The following TCF7L1 variants were observed in gnomAD, a reference collection of about 807,000 sequenced individuals.
TCF7L1 encodes the protein transcription factor 7 like 1.
In TCF7L1, 18 loss-of-function variants were observed where a neutral mutation model predicts 63.7. The ratio of observed to expected loss-of-function variants is 0.28; its 90% CI spans 0.20 to 0.42. The LOEUF is 0.42. TCF7L1 is among the 10% of genes least tolerant of loss of function. TCF7L1 has a pLI of 1.00. For missense variants in TCF7L1, 654 were observed against 779.3 expected, an observed-to-expected ratio of 0.84 and a Z score of 1.91; for synonymous variants, 355 against 340.9, an observed-to-expected ratio of 1.04 and a Z score of -0.46.
At chr2:85,283,458 C>G (rs376906366) in intron 3 of TCF7L1, 37 bp from the exon 4 acceptor site, 42 of 1,612,632 alleles carry the variant, frequency 2.6e-5, no homozygotes, top group African/African-American at 4.0e-5. Flanking sequence ...GAGGCCTCAT[C>G]TCACCAACAG....
chr2:85,207,741 C>G (rs1231262155), intron 3 of TCF7L1, among the ~76,000 whole-genome samples: 1 of 151,906 alleles, frequency 6.6e-6, no homozygotes, highest in African/African-American at 2.4e-5. Context: ...TCAGTAGAAA[C>G]CGTACTTCAG....
chr2:85,250,901 C>A (rs1161349819), intron 3 of TCF7L1, among the ~76,000 whole-genome samples: 1 of 152,144 alleles, frequency 6.6e-6, no homozygotes, highest in African/African-American at 2.4e-5. Flanking sequence ...CCTTTCAGAG[C>A]CACTAAAGAA....
intron 3 of TCF7L1, among the ~76,000 whole-genome samples, chr2:85,173,857 C>G (rs1159120878): frequency 2.0e-5 from 3 of 152,086 alleles, no homozygotes; most frequent in Non-Finnish European, 4.4e-5. Context: ...CTGCCTCGGC[C>G]TCCTGAGTAG....
chr2:85,277,895 A>G (rs527442536), intron 3 of TCF7L1, among the ~76,000 whole-genome samples: 25 of 152,216 alleles, frequency 1.6e-4, no homozygotes, highest in Admixed American at 1.6e-3. Context: ...AGTCCTGTCC[A>G]CACTAAGCAA....
At chr2:85,175,507 T>C (rs1449746217) in intron 3 of TCF7L1, among the ~76,000 whole-genome samples, 4 of 152,074 alleles carry the variant, frequency 2.6e-5, no homozygotes, top group Non-Finnish European at 5.9e-5. Flanking sequence ...GGCTTGAGCA[T>C]GGGTAGCCAG....
At chr2:85,286,428 A>G (rs1681555404) in intron 4 of TCF7L1, among the ~76,000 whole-genome samples, 1 of 152,006 alleles carries the variant, frequency 6.6e-6, no homozygotes, top group East Asian at 1.9e-4. Flanking sequence ...TTTAATCTCA[A>G]CACTTTGGGA....
intron 3 of TCF7L1, among the ~76,000 whole-genome samples, chr2:85,237,684 T>C (rs974319858): frequency 6.7e-6 from 1 of 148,174 alleles, no homozygotes. Flanking sequence ...AGAGAGCATC[T>C]CTTCATTCTG....
At chr2:85,228,671 A>C (rs1041897547) in intron 3 of TCF7L1, among the ~76,000 whole-genome samples, 12 of 152,186 alleles carry the variant, frequency 7.9e-5, no homozygotes, top group South Asian at 4.2e-4. Context: ...GAGATGGGCT[A>C]GGGAGGTAAC....
intron 3 of TCF7L1, among the ~76,000 whole-genome samples, chr2:85,195,111 A>G (rs1038350636): frequency 2.0e-5 from 3 of 152,228 alleles, no homozygotes; most frequent in African/African-American, 4.8e-5. Context: ...GGGTTCACCA[A>G]CTACCTCCAC....
intron 3 of TCF7L1, among the ~76,000 whole-genome samples, chr2:85,138,244 C>A (rs7584403): frequency 1.3e-5 from 2 of 151,906 alleles, no homozygotes; most frequent in Non-Finnish European, 2.9e-5. Flanking sequence ...GGTCCTCAAA[C>A]GCGTGCTCAT....
Position 85,153,340 on chromosome 2 carries a change from A to ATTTTTTTTTTTTTTTTTTTTTTTTT in TCF7L1, c.441+18909_441+18910insTTTTTTTTTTTTTTTTTTTTTTTTT, listed in dbSNP as rs66697146. Among the ~76,000 whole-genome samples, 92 of 102,248 alleles carry ATTTTTTTTTTTTTTTTTTTTTTTTT rather than the reference A, an allele frequency of 9.0e-4. 12 individuals are homozygous for ATTTTTTTTTTTTTTTTTTTTTTTTT. Among genetic ancestry groups the ATTTTTTTTTTTTTTTTTTTTTTTTT allele is most frequent in the African/African-American group, 3.6e-3 (86 of 23,736 alleles). 67.1% of individuals were successfully genotyped at this position (102,248 alleles called of 152,430 possible). A position where few individuals can be genotyped will look rare whatever the true frequency, so the allele number is the denominator to read the frequency against. ...TTCATGATCTTGCTAGCCTTTATAA[A>ATTTTTTTTTTTTTTTTTTTTTTTTT]TTTTTTTTTTTTTTTTTTTGAGATG... On this transcript the variant is annotated intron_variant, in intron 3 of 11. Coordinates refer to ENST00000282111, the MANE Select transcript of TCF7L1 (RefSeq NM_031283.3).
intron 3 of TCF7L1, among the ~76,000 whole-genome samples, chr2:85,212,784 G>A (rs150785625): frequency 2.6e-5 from 4 of 152,250 alleles, no homozygotes; most frequent in Non-Finnish European, 4.4e-5. Flanking sequence ...ATCACCCCCA[G>A]GTTGAGCATG....
At chr2:85,293,234 G>A in intron 4 of TCF7L1, among the ~76,000 whole-genome samples, 1 of 152,214 alleles carries the variant, frequency 6.6e-6, no homozygotes, top group South Asian at 2.1e-4. Context: ...CCCAATGTTA[G>A]AGGTAGGGCC....
chr2:85,134,012 G>A lies in TCF7L1; in HGVS notation c.250-4G>A. On this transcript the variant is annotated splice_region_variant and splice_polypyrimidine_tract_variant and intron_variant, in intron 1 of 11. Coordinates refer to ENST00000282111, the MANE Select transcript of TCF7L1 (RefSeq NM_031283.3). This position sits in a 1 kb window ranked among gnomAD's most constrained non-coding sequence, Gnocchi z 5.0. The stretch of plus-strand genomic sequence containing the variant: ...CCGCTCTTGCCTTTGTGTCTCCTCC[G>A]CAGGCGGAGAGGCGCCCGCAGCCCG... 1 of 1,609,336 alleles carries A rather than the reference G, an allele frequency of 6.2e-7. No homozygotes were observed. Among genetic ancestry groups the A allele is most frequent in the Non-Finnish European group, 8.5e-7 (1 of 1,178,342 alleles).
intron 4 of TCF7L1, among the ~76,000 whole-genome samples, chr2:85,299,891 A>ACACACACACACACCCACACACACACACC (rs1681930460): frequency 6.7e-6 from 1 of 150,152 alleles, no homozygotes. Flanking sequence ...ACACACACAC[A>ACACACACACACACCCACACACACACACC]CACACACACA....
At chr2:85,284,806 A>G (rs1220917717) in intron 4 of TCF7L1, among the ~76,000 whole-genome samples, 2 of 152,214 alleles carry the variant, frequency 1.3e-5, no homozygotes, top group African/African-American at 4.8e-5. Context: ...AATTACAGAA[A>G]ATTTTAAAGA....
In TCF7L1 at chr2:85,309,790, T is replaced by C. The variant is rs777434861; in HGVS notation, c.*328T>C. 1.1e-4 allele frequency: 29 copies of C among 260,592 alleles called. No homozygotes were observed. Among genetic ancestry groups the C allele is most frequent in the Non-Finnish European group, 1.8e-4 (25 of 138,520 alleles). 16.1% of individuals were successfully genotyped at this position (260,592 alleles called of 1,614,324 possible). On this transcript the variant is annotated 3_prime_UTR_variant, in exon 12 of 12. Transcript: ENST00000282111. ...TACCTCTCTTGCACTTTCTGTCTCC[T>C]GTCTCTTCTCGCCCCTGCCGCCTGC...
Position 85,306,957 on chromosome 2 carries a change from C to T in TCF7L1, c.1257+398C>T, listed in dbSNP as rs1186947841. On this transcript the variant is annotated intron_variant, in intron 10 of 11. Coordinates refer to ENST00000282111, the MANE Select transcript of TCF7L1 (RefSeq NM_031283.3). The surrounding 1 kb of genome is among the most constrained non-coding windows in gnomAD (Gnocchi z 4.3). ...GGGATTACAGGCGTGAGCCACCGCG[C>T]CCGGCCAGCGACTGCATTTATAGAG... Among the ~76,000 whole-genome samples the T allele has an allele frequency of 2.0e-5, 3 of 152,222 alleles. No individual in the cohort carries two copies. Among genetic ancestry groups the T allele is most frequent in the Non-Finnish European group, 2.9e-5 (2 of 68,046 alleles).
chr2:85,206,455 C>T (rs1679412235), intron 3 of TCF7L1, among the ~76,000 whole-genome samples: 1 of 152,238 alleles, frequency 6.6e-6, no homozygotes, highest in African/African-American at 2.4e-5. Flanking sequence ...AAACAGTAAT[C>T]TCTGCCACTA....
Sources: gnomAD v4.1 joint callset for allele counts (sites outside exome capture counted in the v4.1 genomes callset) on GRCh38, gnomAD v4.1.1 for gene constraint, Gnocchi (gnomAD v3.1) non-coding constraint, MANE v1.5 for transcripts, NCBI Gene and HGNC (gene_info 2026-07-23, HGNC 2026-07-21) for gene names.